Variants in STARD13 observed in about 807,000 individuals in gnomAD.
The protein encoded by STARD13 is StAR related lipid transfer domain containing 13.
Under a neutral mutation model 106.4 loss-of-function variants are expected in STARD13, and 62 were observed. The ratio of observed to expected loss-of-function variants is 0.58; its 90% CI spans 0.48 to 0.72. The LOEUF (loss-of-function observed/expected upper bound fraction) is 0.72. Among genes scored for constraint, STARD13 ranks in the 30% least tolerant of loss-of-function variants. STARD13 has a pLI of 0.00. For synonymous variants in STARD13, 565 were observed against 553.0 expected (o/e 1.02, Z -0.31); for missense variants, 1,387 against 1,424.0 (o/e 0.97, Z 0.42).
chr13:33,300,959 T>C (rs1566126459), intron 1 of STARD13, among the ~76,000 whole-genome samples: 2 of 152,194 alleles, frequency 1.3e-5, no homozygotes, highest in Non-Finnish European at 2.9e-5. Flanking sequence ...AGTGGCATAA[T>C]GAACACTGCT....
chr13:33,273,121 A>T (rs898438225), intron 1 of STARD13, among the ~76,000 whole-genome samples: 1 of 152,258 alleles, frequency 6.6e-6, no homozygotes, highest in Admixed American at 6.5e-5. Flanking sequence ...AAATGAAATC[A>T]GAAACATGTC....
chr13:33,227,290 A>G (rs1888676623), intron 1 of STARD13, among the ~76,000 whole-genome samples: 1 of 152,216 alleles, frequency 6.6e-6, no homozygotes, highest in South Asian at 2.1e-4. Context: ...TCAGAATCTC[A>G]ATGTCCTCAT....
At chr13:33,358,765 CT>C in the STARD13 span, among the ~76,000 whole-genome samples, 1 of 152,046 alleles carries the variant, frequency 6.6e-6, no homozygotes, top group Non-Finnish European at 1.5e-5. Flanking sequence ...TGTGGAGAGT[CT>C]TTATGTCTAG....
the STARD13 span, among the ~76,000 whole-genome samples, chr13:33,628,879 C>T: frequency 6.6e-6 from 1 of 152,338 alleles, no homozygotes; most frequent in East Asian, 1.9e-4. Context: ...GTTTCATTCT[C>T]TGTCAACTGG....
intron 1 of STARD13, among the ~76,000 whole-genome samples, chr13:33,244,200 G>T (rs749294676): frequency 1.3e-5 from 2 of 151,984 alleles, no homozygotes; most frequent in Non-Finnish European, 2.9e-5. Flanking sequence ...TGAAAATCAG[G>T]ATGTGGGAGG....
At chr13:33,439,833 C>T in the STARD13 span, 2 of 434,478 alleles carry the variant, frequency 4.6e-6, no homozygotes, top group Non-Finnish European at 7.7e-6. Context: ...CAAATGGCCT[C>T]CAGAAATGAA....
chr13:33,430,255 T>G, the STARD13 span, among the ~76,000 whole-genome samples: 1 of 152,180 alleles, frequency 6.6e-6, no homozygotes, highest in Non-Finnish European at 1.5e-5. Flanking sequence ...AATTTGTTTG[T>G]AACTCAAAGG....
At chr13:33,512,536 C>T in the STARD13 span, among the ~76,000 whole-genome samples, 3 of 151,868 alleles carry the variant, frequency 2.0e-5, no homozygotes, top group African/African-American at 7.3e-5. Flanking sequence ...GGCGTGATTG[C>T]GGCTCACTGC....
At chr13:33,394,189 C>T in the STARD13 span, among the ~76,000 whole-genome samples, 3 of 151,348 alleles carry the variant, frequency 2.0e-5, no homozygotes, top group Admixed American at 6.6e-5. Context: ...CCCATTGTCT[C>T]CTTTTACATT....
At chr13:33,666,816 C>T in the STARD13 span, among the ~76,000 whole-genome samples, 1 of 151,784 alleles carries the variant, frequency 6.6e-6, no homozygotes, top group East Asian at 1.9e-4. Flanking sequence ...GGTCTCGAAC[C>T]CCTGACCTCA....
chr13:33,356,098 TG>T, the STARD13 span, among the ~76,000 whole-genome samples: 21 of 152,332 alleles, frequency 1.4e-4, no homozygotes, highest in East Asian at 4.0e-3. Flanking sequence ...ATGTACACTT[TG>T]GGGGGACCAT....
chr13:33,248,104 G>A lies in STARD13; in HGVS notation c.169+37366C>T, dbSNP rs977313081. On this transcript the variant is annotated intron_variant, in intron 1 of 13. Coordinates refer to ENST00000336934, the MANE Select transcript of STARD13 (RefSeq NM_178006.4). ...GACTTTCGAATGAGTCAGGGCTATC[G>A]TTAAGAAGAAGAAGGCTGGGCATGG... Among the ~76,000 whole-genome samples, 12 of 152,212 alleles carry A rather than the reference G, an allele frequency of 7.9e-5. No homozygotes were observed. In the South Asian group the frequency reaches 2.3e-3, roughly 29 times the overall value.
intron 1 of STARD13, among the ~76,000 whole-genome samples, chr13:33,229,543 C>G (rs1162705925): frequency 6.6e-6 from 1 of 152,316 alleles, no homozygotes; most frequent in African/African-American, 2.4e-5. Flanking sequence ...CAAACACAAA[C>G]AAAGACGAAA....
chr13:33,421,509 C>A, the STARD13 span, among the ~76,000 whole-genome samples: 6 of 152,272 alleles, frequency 3.9e-5, no homozygotes, highest in South Asian at 2.1e-4. Context: ...CCGAACTCTA[C>A]CAAGGTACAA....
the STARD13 span, among the ~76,000 whole-genome samples, chr13:33,509,489 CA>C: frequency 6.6e-6 from 1 of 152,310 alleles, no homozygotes; most frequent in Non-Finnish European, 1.5e-5. Flanking sequence ...AATTCTACTC[CA>C]AAAGCCATCC....
At chr13:33,403,018 A>G in the STARD13 span, among the ~76,000 whole-genome samples, 2 of 152,370 alleles carry the variant, frequency 1.3e-5, no homozygotes, top group Middle Eastern at 3.4e-3. Flanking sequence ...GCAAAAAGGC[A>G]GAGGGTCCAT....
chr13:33,529,160 C>A, the STARD13 span, among the ~76,000 whole-genome samples: 1 of 152,060 alleles, frequency 6.6e-6, no homozygotes, highest in Non-Finnish European at 1.5e-5. Flanking sequence ...AAAAAAGGAA[C>A]CAGGGACCAA....
At chr13:33,150,621 CT>C (rs1881149698) in intron 3 of STARD13, among the ~76,000 whole-genome samples, 1 of 152,228 alleles carries the variant, frequency 6.6e-6, no homozygotes, top group Non-Finnish European at 1.5e-5. Context: ...TCTCTACTTT[CT>C]CCATGGGAAG....
the STARD13 span, among the ~76,000 whole-genome samples, chr13:33,616,015 T>G: frequency 6.6e-6 from 1 of 152,218 alleles, no homozygotes; most frequent in African/African-American, 2.4e-5. Flanking sequence ...TATTATTTAT[T>G]TTGTGTTGTA....
Sources: gnomAD v4.1 joint callset for allele counts (sites outside exome capture counted in the v4.1 genomes callset) on GRCh38, gnomAD v4.1.1 for gene constraint, MANE v1.5 for transcripts, NCBI Gene and HGNC (gene_info 2026-07-23, HGNC 2026-07-21) for gene names.